The following SOX5 variants were observed in gnomAD, a reference collection of about 807,000 sequenced individuals.
The protein encoded by SOX5 is transcription factor SOX-5.
A neutral mutation model predicts 92.0 loss-of-function variants in SOX5; 9 were observed. The observed-to-expected ratio is 0.10, with a 90% CI of 0.06 to 0.17. The LOEUF is 0.17. SOX5 is among the 10% of genes least tolerant of loss of function. The probability of loss-of-function intolerance (pLI) is 1.00; values close to 1 mark genes in which losing one functional copy is unlikely to be tolerated. For missense variants in SOX5, 642 were observed against 944.5 expected, an observed-to-expected ratio of 0.68 and a Z score of 4.20; for synonymous variants, 344 against 336.3, an observed-to-expected ratio of 1.02 and a Z score of -0.25.
intron 9 of SOX5, among the ~76,000 whole-genome samples, chr12:23,576,240 A>G (rs1949090314): frequency 6.6e-6 from 1 of 151,866 alleles, no homozygotes; most frequent in Non-Finnish European, 1.5e-5. Flanking sequence ...GCATCTTTGT[A>G]CCCTGGTACC....
intron 1 of SOX5, among the ~76,000 whole-genome samples, chr12:23,902,865 G>T (rs1030958172): frequency 2.0e-5 from 3 of 151,814 alleles, no homozygotes; most frequent in Admixed American, 2.0e-4. Context: ...TTAATAATAG[G>T]GCAGTATAAT....
At chr12:23,641,301 A>G (rs2080027923) in intron 7 of SOX5, among the ~76,000 whole-genome samples, 1 of 152,220 alleles carries the variant, frequency 6.6e-6, no homozygotes, top group Non-Finnish European at 1.5e-5. Flanking sequence ...TTAATGAATT[A>G]AACTCCAAAG....
At chr12:23,844,938 A>C (rs1243220264) in intron 3 of SOX5, among the ~76,000 whole-genome samples, 1 of 152,212 alleles carries the variant, frequency 6.6e-6, no homozygotes, top group Non-Finnish European at 1.5e-5. Context: ...TATCTCTAAA[A>C]TTCTTTCCAA....
At position 23,774,012 on chromosome 12, in the gene SOX5, CT is replaced by C. The variant is rs2095023150; in HGVS notation, c.482-18289del. Among the ~76,000 whole-genome samples, 4 of 152,010 alleles carry C rather than the reference CT, an allele frequency of 2.6e-5. No homozygotes were observed. In the South Asian group the frequency reaches 8.3e-4, roughly 31 times the overall value. On this transcript the variant is annotated intron_variant, in intron 3 of 14. Transcript: ENST00000451604. Reference sequence around the variant, plus strand: ...GGCAAGGTATTTAGCCAGGGTCTGTCTTTGCTCATTTTAAAAAGTAAAATTA... The same window carrying C: ...GGCAAGGTATTTAGCCAGGGTCTGTCTTGCTCATTTTAAAAAGTAAAATTA...
chr12:24,320,872 AATAAT>A (rs1307560614), intron 2 of SOX5, among the ~76,000 whole-genome samples: 2 of 97,088 alleles, frequency 2.1e-5, no homozygotes, highest in Non-Finnish European at 4.7e-5. Context: ...CTCAAAAAAA[AATAAT>A]AATAATAATA....
intron 4 of SOX5, among the ~76,000 whole-genome samples, chr12:23,993,306 A>G (rs934058236): frequency 3.9e-5 from 6 of 152,234 alleles, no homozygotes; most frequent in Admixed American, 3.3e-4. Context: ...GCCATATTAA[A>G]GAACAGAACT....
intron 1 of SOX5, among the ~76,000 whole-genome samples, chr12:23,921,445 C>CA (rs539117890): frequency 6.6e-6 from 1 of 151,004 alleles, no homozygotes; most frequent in Admixed American, 6.6e-5. Flanking sequence ...GCACAGCAGA[C>CA]AAAAAGAATT....
chr12:24,175,256 A>G (rs1400179172), intron 4 of SOX5, among the ~76,000 whole-genome samples: 1 of 152,240 alleles, frequency 6.6e-6, no homozygotes, highest in Non-Finnish European at 1.5e-5. Flanking sequence ...TTTTGCACAT[A>G]GTATTTTCAG....
At chr12:24,135,290 C>A (rs1204855858) in intron 4 of SOX5, among the ~76,000 whole-genome samples, 1 of 152,174 alleles carries the variant, frequency 6.6e-6, no homozygotes, top group Non-Finnish European at 1.5e-5. Context: ...ACGGATCCCT[C>A]CTTCCCTTAG....
intron 4 of SOX5, among the ~76,000 whole-genome samples, chr12:24,106,724 G>A (rs1172057579): frequency 2.6e-5 from 4 of 150,982 alleles, no homozygotes; most frequent in African/African-American, 4.9e-5. Flanking sequence ...CCCAGGAGGC[G>A]GAGGTTGCAG....
chr12:23,776,542 G>A (rs1344154527), intron 3 of SOX5, among the ~76,000 whole-genome samples: 2 of 152,188 alleles, frequency 1.3e-5, no homozygotes, highest in African/African-American at 4.8e-5. Flanking sequence ...CATTGACAAG[G>A]AAGGAGTATT....
chr12:23,664,930 C>T (rs2083569319), intron 7 of SOX5, among the ~76,000 whole-genome samples: 1 of 152,076 alleles, frequency 6.6e-6, no homozygotes, highest in Admixed American at 6.6e-5. Context: ...CAAGCGCTCC[C>T]TAATCTGAGC....
chr12:23,888,191 AT>A (rs1236726057), intron 2 of SOX5, among the ~76,000 whole-genome samples: 1 of 152,128 alleles, frequency 6.6e-6, no homozygotes, highest in Non-Finnish European at 1.5e-5. Flanking sequence ...ATAAATATTC[AT>A]TGTATATATT....
At chr12:23,539,149 A>C (rs1941347094) in intron 13 of SOX5, among the ~76,000 whole-genome samples, 1 of 152,116 alleles carries the variant, frequency 6.6e-6, no homozygotes, top group African/African-American at 2.4e-5. Flanking sequence ...TTCTTCCCTA[A>C]GTTTAAATGA....
At chr12:23,615,704 G>T (rs2137900419) in intron 8 of SOX5, among the ~76,000 whole-genome samples, 1 of 152,134 alleles carries the variant, frequency 6.6e-6, no homozygotes, top group East Asian at 1.9e-4. Context: ...TGGCTGTATA[G>T]TATTCCATGG....
chr12:23,568,086 C>A (rs1296494747), intron 10 of SOX5, among the ~76,000 whole-genome samples: 3 of 152,176 alleles, frequency 2.0e-5, no homozygotes, highest in East Asian at 3.9e-4. Context: ...AATTAAGGAT[C>A]TCAAGGTGAG....
At chr12:23,788,812 A>G (rs565321606) in intron 3 of SOX5, among the ~76,000 whole-genome samples, 1 of 152,122 alleles carries the variant, frequency 6.6e-6, no homozygotes, top group East Asian at 1.9e-4. Flanking sequence ...TCAATTAAGC[A>G]CATACCATGT....
intron 4 of SOX5, among the ~76,000 whole-genome samples, chr12:24,154,086 C>T (rs183788800): frequency 6.6e-6 from 1 of 152,100 alleles, no homozygotes; most frequent in Non-Finnish European, 1.5e-5. Flanking sequence ...TCTCTGCAAA[C>T]AGCTTATGAG....
intron 2 of SOX5, among the ~76,000 whole-genome samples, chr12:24,313,527 CCAAAAAAAATA>C (rs763040926): frequency 6.6e-6 from 1 of 151,696 alleles, no homozygotes; most frequent in Non-Finnish European, 1.5e-5. Context: ...GAGAATGTAT[CCAAAAAAAATA>C]CAAAAAAAAG....
Sources: allele counts gnomAD v4.1 joint callset (sites outside exome capture counted in the v4.1 genomes callset), GRCh38; gene constraint gnomAD v4.1.1; transcripts MANE v1.5; gene names NCBI Gene and HGNC (gene_info 2026-07-23, HGNC 2026-07-21).